Variants in NR6A1 observed in about 807,000 individuals in gnomAD.
NR6A1 encodes the protein retinoic acid receptor-related testis-associated receptor.
A neutral mutation model predicts 59.1 loss-of-function variants in NR6A1; 7 were observed. The ratio of observed to expected loss-of-function variants is 0.12; its 90% confidence interval spans 0.07 to 0.22. The LOEUF (loss-of-function observed/expected upper bound fraction) is 0.22. Ranked by LOEUF, NR6A1 falls within the 10% of genes least tolerant of loss-of-function variation. The probability of loss-of-function intolerance (pLI) is 1.00; values close to 1 mark genes in which losing one functional copy is unlikely to be tolerated. For synonymous variants in NR6A1, 243 were observed against 236.1 expected, an observed-to-expected ratio of 1.03 and a Z score of -0.27; for missense variants, 468 against 611.6, an observed-to-expected ratio of 0.77 and a Z score of 2.48.
intron 4 of NR6A1, among the ~76,000 whole-genome samples, chr9:124,543,406 T>C (rs1833505320): frequency 6.6e-6 from 1 of 152,254 alleles, no homozygotes; most frequent in South Asian, 2.1e-4. Flanking sequence ...TTATCATTCC[T>C]ACTCTACAAT....
rs1229794060 is a variant in NR6A1 at position 124,519,417 on chromosome 9, C to T, written c.*3288G>A. The T allele has an allele frequency of 6.6e-6, 1 of 152,148 alleles. No individual in the cohort carries two copies. The highest frequency in any genetic ancestry group is 6.6e-5 in the Admixed American group (1 of 15,266). 9.4% of individuals were successfully genotyped at this position (152,148 alleles called of 1,614,324 possible). A position where few individuals can be genotyped will look rare whatever the true frequency, so the allele number is the denominator to read the frequency against. On this transcript the variant is annotated 3_prime_UTR_variant, in exon 10 of 10. Transcript: ENST00000487099. ...TTAACGACGAGACCACCAAACCTTG[C>T]AAAGGACTCCAAAAGTCTACAAAGG... is the stretch of plus-strand genomic sequence containing the variant.
intron 2 of NR6A1, among the ~76,000 whole-genome samples, chr9:124,729,675 T>A (rs553363879): frequency 2.0e-4 from 31 of 152,204 alleles, no homozygotes; most frequent in Non-Finnish European, 3.8e-4. Flanking sequence ...ATATGCAGTA[T>A]CAAAAACCAC....
At chr9:124,665,010 C>A (rs1428054286) in intron 2 of NR6A1, among the ~76,000 whole-genome samples, 4,850 of 13,688 alleles carry the variant, frequency 0.35, 1,122 homozygotes, top group Middle Eastern at 0.5. Context: ...CTTGTATCTC[C>A]AAAAAAAAAA....
At position 124,668,629 on chromosome 9, in the gene NR6A1, C is replaced by T. The variant is rs929855376; in HGVS notation, c.142+64679G>A. On this transcript the variant is annotated intron_variant, in intron 2 of 9. Coordinates refer to ENST00000487099, the MANE Select transcript of NR6A1 (RefSeq NM_033334.4). ...ACACAATGGAATCCATTCTCAACAC[C>T]GATTTTTCACAATCATTTGTTCACT... is the stretch of plus-strand genomic sequence containing the variant. Among the ~76,000 whole-genome samples the T allele has an allele frequency of 7.2e-5, 11 of 152,088 alleles. No individual in the cohort carries two copies. In the South Asian group the frequency reaches 1.0e-3, roughly 14 times the overall value.
chr9:124,616,402 CAAAAAAAAA>C (rs71372978), intron 2 of NR6A1, among the ~76,000 whole-genome samples: 2 of 68,300 alleles, frequency 2.9e-5, no homozygotes, highest in African/African-American at 8.4e-5. Flanking sequence ...GACTCCATCT[CAAAAAAAAA>C]AAAAAAAAAA....
intron 2 of NR6A1, among the ~76,000 whole-genome samples, chr9:124,653,425 GTTTT>G (rs1272777964): frequency 6.6e-6 from 1 of 152,072 alleles, no homozygotes; most frequent in Non-Finnish European, 1.5e-5. Flanking sequence ...TTTTGTTGTT[GTTTT>G]TTAAGAGACA....
In NR6A1 at chr9:124,558,041, G is replaced by A. The variant is rs141077321; in HGVS notation, c.143-3471C>T. 1.0e-3 allele frequency among the ~76,000 whole-genome samples: 158 copies of A among 152,250 alleles called. 1 individual carries two copies. The East Asian group carries it at 0.025, about 24-fold the overall frequency. On this transcript the variant is annotated intron_variant, in intron 2 of 9. Coordinates refer to ENST00000487099, the MANE Select transcript of NR6A1 (RefSeq NM_033334.4). Reference sequence around the variant, plus strand: ...TTATCACCCTTTTGTAAATGATTAAGTGGAAGCTCCAAAATGGTTAAACAA... The same window carrying A: ...TTATCACCCTTTTGTAAATGATTAAATGGAAGCTCCAAAATGGTTAAACAA...
intron 1 of NR6A1, among the ~76,000 whole-genome samples, chr9:124,769,298 G>A (rs1431633818): frequency 6.8e-6 from 1 of 147,724 alleles, no homozygotes; most frequent in African/African-American, 2.5e-5. Context: ...TTATTTTTAA[G>A]ATCAGCAACA....
intron 2 of NR6A1, among the ~76,000 whole-genome samples, chr9:124,568,315 G>A (rs1351521070): frequency 4.0e-5 from 6 of 151,246 alleles, no homozygotes; most frequent in Admixed American, 6.6e-5. Context: ...GTGAAACCCC[G>A]TCTCTACTAA....
At chr9:124,566,390 T>C (rs1048255200) in intron 2 of NR6A1, among the ~76,000 whole-genome samples, 12 of 152,162 alleles carry the variant, frequency 7.9e-5, no homozygotes, top group African/African-American at 2.9e-4. Context: ...GTATTAATAT[T>C]TCATAATTAA....
At chr9:124,549,004 G>C (rs891833854) in intron 3 of NR6A1, among the ~76,000 whole-genome samples, 2 of 152,190 alleles carry the variant, frequency 1.3e-5, no homozygotes, top group Non-Finnish European at 2.9e-5. Flanking sequence ...CAACAGAAAA[G>C]TAGGACTTGA....
chr9:124,589,440 C>T lies in NR6A1; in HGVS notation c.143-34870G>A, dbSNP rs184122733. Among the ~76,000 whole-genome samples the T allele has an allele frequency of 5.6e-3, 849 of 151,990 alleles. 4 individuals carry two copies. Among genetic ancestry groups the T allele is most frequent in the Non-Finnish European group, 8.8e-3 (596 of 67,968 alleles). On this transcript the variant is annotated intron_variant, in intron 2 of 9. Coordinates refer to ENST00000487099, the MANE Select transcript of NR6A1 (RefSeq NM_033334.4). ...CGGCCTGGGCGAAAGAGCGAGACTC[C>T]GTCTCAAAAACAAACAAACAAAAAA...
At chr9:124,688,520 TG>T (rs1421133144) in intron 2 of NR6A1, among the ~76,000 whole-genome samples, 2 of 152,172 alleles carry the variant, frequency 1.3e-5, no homozygotes, top group Non-Finnish European at 2.9e-5. Flanking sequence ...CAGAACTTGG[TG>T]AAGTCTAAAT....
intron 3 of NR6A1, among the ~76,000 whole-genome samples, chr9:124,551,771 A>T (rs551949825): frequency 4.5e-4 from 69 of 152,286 alleles, no homozygotes; most frequent in Non-Finnish European, 8.1e-4. Flanking sequence ...AGTAACATTT[A>T]TTTTTTTGTG....
chr9:124,576,329 C>T (rs1411913736), intron 2 of NR6A1, among the ~76,000 whole-genome samples: 1 of 152,154 alleles, frequency 6.6e-6, no homozygotes, highest in African/African-American at 2.4e-5. Flanking sequence ...CACTCTGTCA[C>T]CAGGCTGGAG....
rs1347969149 is a variant in NR6A1, at chr9:124,765,411, T to C, written c.100+5609A>G. Reference sequence around the variant, plus strand: ...TTTTAGGAAATCCAGGAATTTTCTATTTAGACGTAAGAATTTGGCCAGTTT... The same window carrying C: ...TTTTAGGAAATCCAGGAATTTTCTACTTAGACGTAAGAATTTGGCCAGTTT... On this transcript the variant is annotated intron_variant, in intron 1 of 9. Coordinates refer to ENST00000487099, the MANE Select transcript of NR6A1 (RefSeq NM_033334.4). Among the ~76,000 whole-genome samples, 3 of 152,250 alleles carry C rather than the reference T, an allele frequency of 2.0e-5. No homozygotes were observed. In the East Asian group the frequency reaches 5.8e-4, roughly 29 times the overall value.
At chr9:124,647,453 C>G (rs1448831479) in intron 2 of NR6A1, among the ~76,000 whole-genome samples, 1 of 152,012 alleles carries the variant, frequency 6.6e-6, no homozygotes, top group Admixed American at 6.6e-5. Context: ...GGGGGCCGGC[C>G]GCAGTGGTTC....
chr9:124,678,471 G>A (rs1838029481), intron 2 of NR6A1, among the ~76,000 whole-genome samples: 1 of 152,192 alleles, frequency 6.6e-6, no homozygotes, highest in South Asian at 2.1e-4. Context: ...GGGGACAACT[G>A]GAGAACAATG....
chr9:124,571,472 G>C (rs1478481911), intron 2 of NR6A1, among the ~76,000 whole-genome samples: 1 of 152,238 alleles, frequency 6.6e-6, no homozygotes, highest in Non-Finnish European at 1.5e-5. Context: ...AGCAGCCACT[G>C]CCCTGCCTGT....
Sources: allele counts gnomAD v4.1 joint callset (sites outside exome capture counted in the v4.1 genomes callset), GRCh38; gene constraint gnomAD v4.1.1; transcripts MANE v1.5; gene names NCBI Gene and HGNC (gene_info 2026-07-23, HGNC 2026-07-21).